SMYD3: variants seen among roughly 807,000 people sequenced by gnomAD.
SMYD3 encodes the protein histone-lysine N-methyltransferase SMYD3.
A neutral mutation model predicts 57.7 loss-of-function variants in SMYD3; 36 were observed. The ratio of observed to expected loss-of-function variants is 0.62; its 90% CI spans 0.48 to 0.82. The LOEUF is 0.82. Among genes scored for constraint, SMYD3 ranks in the 40% least tolerant of loss-of-function variants. The pLI is 0.00. For synonymous variants in SMYD3, 211 were observed against 195.0 expected, an observed-to-expected ratio of 1.08 and a Z score of -0.68; for missense variants, 515 against 538.8, an observed-to-expected ratio of 0.96 and a Z score of 0.44.
At chr1:246,113,072 C>T (rs1421005778) in intron 5 of SMYD3, among the ~76,000 whole-genome samples, 4 of 152,040 alleles carry the variant, frequency 2.6e-5, no homozygotes, top group Non-Finnish European at 4.4e-5. Context: ...ATCTCAGATA[C>T]TCAGGAGGCT....
intron 1 of SMYD3, among the ~76,000 whole-genome samples, chr1:246,435,895 T>G (rs201091209): frequency 6.6e-6 from 1 of 151,652 alleles, no homozygotes. Context: ...TTCCCTCTAT[T>G]AGAGTTTTTG....
chr1:246,238,229 T>C (rs980300833), intron 5 of SMYD3, among the ~76,000 whole-genome samples: 5 of 152,190 alleles, frequency 3.3e-5, no homozygotes, highest in African/African-American at 7.2e-5. Flanking sequence ...ATGGGTATCA[T>C]TGTGTTACCC....
intron 5 of SMYD3, among the ~76,000 whole-genome samples, chr1:246,316,135 A>C (rs1359331710): frequency 1.3e-5 from 2 of 152,236 alleles, no homozygotes; most frequent in Non-Finnish European, 2.9e-5. Flanking sequence ...ATCAAACAAA[A>C]ACTTTGAACC....
At chr1:246,407,525 T>C (rs983514680) in intron 1 of SMYD3, among the ~76,000 whole-genome samples, 1 of 152,102 alleles carries the variant, frequency 6.6e-6, no homozygotes, top group African/African-American at 2.4e-5. Context: ...ATACCACACA[T>C]TGGGTGGCTT....
chr1:246,279,085 A>G (rs1275789932), intron 5 of SMYD3, among the ~76,000 whole-genome samples: 2 of 152,190 alleles, frequency 1.3e-5, no homozygotes, highest in Non-Finnish European at 2.9e-5. Context: ...CAACAGTTCT[A>G]AGAGCACTGG....
chr1:246,063,668 C>G (rs988279988), intron 5 of SMYD3, among the ~76,000 whole-genome samples: 3 of 145,744 alleles, frequency 2.1e-5, no homozygotes, highest in African/African-American at 7.5e-5. Context: ...TCTTAACAGT[C>G]TTCCTCTGCT....
intron 10 of SMYD3, among the ~76,000 whole-genome samples, chr1:245,817,554 T>A (rs1313004450): frequency 6.6e-6 from 1 of 152,090 alleles, no homozygotes; most frequent in African/African-American, 2.4e-5. Context: ...GGAGAATGAC[T>A]TTGATGACCT....
chr1:246,069,109 A>C (rs1486812366), intron 5 of SMYD3, among the ~76,000 whole-genome samples: 3 of 152,216 alleles, frequency 2.0e-5, no homozygotes, highest in African/African-American at 7.2e-5. Flanking sequence ...GAGATGCTGT[A>C]GCTGGAGCAC....
At chr1:246,135,912 T>C (rs2061659248) in intron 5 of SMYD3, among the ~76,000 whole-genome samples, 1 of 152,174 alleles carries the variant, frequency 6.6e-6, no homozygotes, top group African/African-American at 2.4e-5. Flanking sequence ...TCTAGGATTG[T>C]ATAATGTATA....
At chr1:246,048,449 T>C (rs187892421) in intron 5 of SMYD3, among the ~76,000 whole-genome samples, 3 of 152,314 alleles carry the variant, frequency 2.0e-5, no homozygotes, top group East Asian at 3.9e-4. Flanking sequence ...TCGCATATTT[T>C]AGTGACAAAA....
At chr1:246,185,422 A>G in intron 5 of SMYD3, among the ~76,000 whole-genome samples, 1 of 128,804 alleles carries the variant, frequency 7.8e-6, no homozygotes, top group African/African-American at 3.0e-5. Flanking sequence ...CTTTTAGTAG[A>G]GACAGGGTTT....
intron 9 of SMYD3, among the ~76,000 whole-genome samples, chr1:245,860,289 A>G (rs2051467724): frequency 6.6e-6 from 1 of 152,146 alleles, no homozygotes; most frequent in Admixed American, 6.5e-5. Flanking sequence ...AGCCCTGAGC[A>G]GACAGCTCAC....
intron 5 of SMYD3, among the ~76,000 whole-genome samples, chr1:245,980,940 G>A (rs2058580464): frequency 6.6e-6 from 1 of 152,210 alleles, no homozygotes; most frequent in South Asian, 2.1e-4. Flanking sequence ...GCTTATGGCT[G>A]CTTTTGAGCT....
At chr1:246,363,246 G>C (rs1207249845) in intron 1 of SMYD3, among the ~76,000 whole-genome samples, 15 of 151,626 alleles carry the variant, frequency 9.9e-5, no homozygotes, top group Non-Finnish European at 1.5e-5. Flanking sequence ...GTCCGGGAGG[G>C]AGGTGGGGGT....
chr1:245,856,899 T>C (rs1387808616), intron 10 of SMYD3, among the ~76,000 whole-genome samples: 5 of 152,178 alleles, frequency 3.3e-5, no homozygotes, highest in African/African-American at 4.8e-5. Context: ...CAGAGGCTGT[T>C]TGGCTTCCTC....
intron 5 of SMYD3, among the ~76,000 whole-genome samples, chr1:246,032,821 G>A (rs1052287357): frequency 2.6e-5 from 4 of 152,116 alleles, no homozygotes; most frequent in Non-Finnish European, 5.9e-5. Flanking sequence ...GTCCTCACTG[G>A]AAAAGATGTA....
intron 1 of SMYD3, among the ~76,000 whole-genome samples, chr1:246,456,335 A>G (rs1400709885): frequency 6.6e-6 from 1 of 152,172 alleles, no homozygotes; most frequent in Non-Finnish European, 1.5e-5. Flanking sequence ...TTAAATCAGT[A>G]TCTCTACGAA....
At chr1:246,399,743 A>C (rs548272827) in intron 1 of SMYD3, among the ~76,000 whole-genome samples, 1 of 152,336 alleles carries the variant, frequency 6.6e-6, no homozygotes, top group African/African-American at 2.4e-5. Flanking sequence ...GTCCTACCAA[A>C]CTATAAAGTA....
intron 5 of SMYD3, among the ~76,000 whole-genome samples, chr1:246,042,361 C>T (rs905689634): frequency 1.3e-5 from 2 of 152,060 alleles, no homozygotes; most frequent in African/African-American, 2.4e-5. Flanking sequence ...TCCATGGGAA[C>T]GTATAAGAAT....
Sources: allele counts gnomAD v4.1 joint callset (sites outside exome capture counted in the v4.1 genomes callset), GRCh38; gene constraint gnomAD v4.1.1; transcripts MANE v1.5; gene names NCBI Gene and HGNC (gene_info 2026-07-23, HGNC 2026-07-21).